Variants in OPCML observed in about 807,000 individuals in gnomAD.
OPCML encodes opioid-binding protein/cell adhesion molecule.
Under a neutral mutation model 37.8 loss-of-function variants are expected in OPCML, and 13 were observed. That is an observed-to-expected ratio of 0.34 (90% CI 0.22 to 0.55). The LOEUF (loss-of-function observed/expected upper bound fraction) is 0.55. OPCML is among the 20% of genes least tolerant of loss of function. The probability of loss-of-function intolerance (pLI) is 0.91; values close to 1 mark genes in which losing one functional copy is unlikely to be tolerated. For missense variants in OPCML, 341 were observed against 435.6 expected (o/e 0.78, Z 1.93); for synonymous variants, 176 against 168.8 (o/e 1.04, Z -0.33).
At chr11:132,438,797 TA>T (rs1177794709) in intron 4 of OPCML, among the ~76,000 whole-genome samples, 2 of 151,884 alleles carry the variant, frequency 1.3e-5, no homozygotes, top group African/African-American at 2.4e-5. Flanking sequence ...GGCTTGGGTA[TA>T]GGGGGTAAGG....
intron 1 of OPCML, among the ~76,000 whole-genome samples, chr11:133,100,529 A>C (rs540988871): frequency 6.6e-6 from 1 of 152,308 alleles, no homozygotes; most frequent in East Asian, 1.9e-4. Context: ...AAGGAGAAAA[A>C]CAAAGTTGGA....
intron 1 of OPCML, among the ~76,000 whole-genome samples, chr11:133,310,057 T>C (rs73600502): frequency 0.066 from 10,013 of 152,268 alleles, 369 homozygotes; most frequent in African/African-American, 0.097. Flanking sequence ...TCTAGAAATT[T>C]GTTAGAGACA....
chr11:132,936,108 G>A (rs907916030), intron 2 of OPCML, among the ~76,000 whole-genome samples: 2 of 152,204 alleles, frequency 1.3e-5, no homozygotes, highest in South Asian at 4.1e-4. Flanking sequence ...TTGAGTGCGG[G>A]TGAGGGGAGG....
At chr11:133,377,629 AG>A (rs1944840918) in intron 1 of OPCML, among the ~76,000 whole-genome samples, 1 of 149,774 alleles carries the variant, frequency 6.7e-6, no homozygotes, top group Non-Finnish European at 1.5e-5. Context: ...AAAAAAAAAG[AG>A]CACCAAGTCC....
chr11:132,688,570 A>G (rs1475100610), intron 2 of OPCML, among the ~76,000 whole-genome samples: 3 of 152,208 alleles, frequency 2.0e-5, no homozygotes, highest in Admixed American at 2.0e-4. Context: ...TATTCAATGC[A>G]GCCTGGAAAT....
At chr11:133,514,313 T>C (rs781370698) in intron 1 of OPCML, among the ~76,000 whole-genome samples, 1 of 152,334 alleles carries the variant, frequency 6.6e-6, no homozygotes, top group Non-Finnish European at 1.5e-5. Context: ...TTTGGAGCTT[T>C]GGAGACACTG....
chr11:132,979,282 G>C (rs1450591214), intron 1 of OPCML, among the ~76,000 whole-genome samples: 1 of 152,156 alleles, frequency 6.6e-6, no homozygotes, highest in Non-Finnish European at 1.5e-5. Context: ...TCACTCCTCT[G>C]TCCTGAGCCC....
chr11:133,312,470 C>T (rs560065691), intron 1 of OPCML, among the ~76,000 whole-genome samples: 8 of 152,238 alleles, frequency 5.3e-5, no homozygotes, highest in Admixed American at 4.6e-4. Flanking sequence ...GAAGATGAGC[C>T]GTAGCCCTGA....
chr11:133,400,312 G>T (rs962350071), intron 1 of OPCML, among the ~76,000 whole-genome samples: 11 of 152,090 alleles, frequency 7.2e-5, no homozygotes, highest in African/African-American at 2.2e-4. Context: ...CTGACCAACG[G>T]GCATCCCCAC....
intron 4 of OPCML, among the ~76,000 whole-genome samples, chr11:132,459,004 G>C (rs937302621): frequency 3.3e-5 from 5 of 152,152 alleles, no homozygotes; most frequent in African/African-American, 1.2e-4. Flanking sequence ...CAGAATCTGA[G>C]ACCATGTCAA....
At chr11:132,860,519 G>A (rs1184499620) in intron 2 of OPCML, 2 of 152,068 alleles carry the variant, frequency 1.3e-5, no homozygotes, top group African/African-American at 4.8e-5. Context: ...CCTGTCCCCC[G>A]AAGGCCTGTA....
intron 1 of OPCML, among the ~76,000 whole-genome samples, chr11:133,023,376 C>T (rs974701037): frequency 9.2e-5 from 14 of 152,148 alleles, no homozygotes; most frequent in Non-Finnish European, 1.3e-4. Flanking sequence ...TCATTACGTC[C>T]GCTAAGCACT....
intron 1 of OPCML, chr11:133,004,739 C>T: frequency 1.0e-6 from 1 of 985,422 alleles, no homozygotes; most frequent in Non-Finnish European, 1.2e-6. Context: ...AAGGTTCACA[C>T]CGGACGCGTG....
chr11:133,453,733 C>G (rs1459518300), intron 1 of OPCML, among the ~76,000 whole-genome samples: 1 of 152,164 alleles, frequency 6.6e-6, no homozygotes, highest in African/African-American at 2.4e-5. Flanking sequence ...TTTCTGATGA[C>G]TCTATCCTCA....
chr11:133,016,390 A>G (rs929014747), intron 1 of OPCML, among the ~76,000 whole-genome samples: 1 of 152,166 alleles, frequency 6.6e-6, no homozygotes, highest in Non-Finnish European at 1.5e-5. Context: ...TGGGCTGCTC[A>G]TGGACATTCC....
chr11:132,754,613 A>G (rs1341539814), intron 2 of OPCML, among the ~76,000 whole-genome samples: 1 of 152,158 alleles, frequency 6.6e-6, no homozygotes, highest in Non-Finnish European at 1.5e-5. Flanking sequence ...AGAAGTAGGC[A>G]CCATGTCACA....
intron 3 of OPCML, among the ~76,000 whole-genome samples, chr11:132,575,013 T>C (rs2096447099): frequency 6.6e-6 from 1 of 152,036 alleles, no homozygotes; most frequent in African/African-American, 2.4e-5. Context: ...AGGTGCTTCT[T>C]GGTCTCTTTT....
At chr11:133,058,258 C>A (rs1012029781) in intron 1 of OPCML, among the ~76,000 whole-genome samples, 3 of 152,158 alleles carry the variant, frequency 2.0e-5, no homozygotes, top group African/African-American at 7.2e-5. Flanking sequence ...GGAAAGAAAT[C>A]ACCGAGAGGT....
At chr11:133,425,879 C>A (rs562540353) in intron 1 of OPCML, among the ~76,000 whole-genome samples, 2 of 152,114 alleles carry the variant, frequency 1.3e-5, no homozygotes, top group Non-Finnish European at 2.9e-5. Context: ...CTTACCTATG[C>A]ATTTCTTAAA....
Sources: allele counts gnomAD v4.1 joint callset (sites outside exome capture counted in the v4.1 genomes callset), GRCh38; gene constraint gnomAD v4.1.1; transcripts MANE v1.5; gene names NCBI Gene and HGNC (gene_info 2026-07-23, HGNC 2026-07-21).